VPS50: variants seen among roughly 807,000 people sequenced by gnomAD.
The protein encoded by VPS50 is VPS50 subunit of EARP/GARPII complex.
A neutral mutation model predicts 139.7 loss-of-function variants in VPS50; 70 were observed. That is an observed-to-expected ratio of 0.50 (90% confidence interval 0.41 to 0.61). VPS50 has a LOEUF of 0.61. Ranked by LOEUF, VPS50 falls within the 20% of genes least tolerant of loss-of-function variation. VPS50 has a pLI of 0.00. For synonymous variants in VPS50, 365 were observed against 376.7 expected (o/e 0.97, Z 0.36); for missense variants, 921 against 1,133.7 (o/e 0.81, Z 2.69).
intron 23 of VPS50, among the ~76,000 whole-genome samples, chr7:93,343,333 T>A (rs993141953): frequency 2.0e-5 from 3 of 151,860 alleles, no homozygotes; most frequent in Non-Finnish European, 4.4e-5. Flanking sequence ...TGGGACTATG[T>A]GAAAAGACCA....
Position 93,326,460 on chromosome 7 carries a change from A to T in VPS50, c.1977+2728A>T, listed in dbSNP as rs183920000. ...CTTAAAGTATAATAATAATAAAAAA[A>T]AAATAAAATAAAATAAAATAATACA... On this transcript the variant is annotated intron_variant, in intron 21 of 27. Coordinates refer to ENST00000305866, the MANE Select transcript of VPS50 (RefSeq NM_017667.4). 1.1e-3 allele frequency among the ~76,000 whole-genome samples: 130 copies of T among 122,808 alleles called. 3 individuals are homozygous for T. In the East Asian group the frequency reaches 0.03, roughly 28 times the overall value. 80.6% of individuals were successfully genotyped at this position (122,808 alleles called of 152,430 possible). A position where few individuals can be genotyped will look rare whatever the true frequency, so the allele number is the denominator to read the frequency against.
chr7:93,272,927 A>G (rs572205699), intron 11 of VPS50, 194 bp downstream of exon 11: 2 of 368,402 alleles, frequency 5.4e-6, no homozygotes, highest in East Asian at 5.0e-5. Flanking sequence ...AAAACATTAC[A>G]GTAGTTTGTT....
chr7:93,329,994 A>G (rs1170663241), intron 21 of VPS50, among the ~76,000 whole-genome samples: 1 of 152,198 alleles, frequency 6.6e-6, no homozygotes, highest in African/African-American at 2.4e-5. Context: ...ACCTGTGGAA[A>G]TTCAAAAGAT....
intron 14 of VPS50, chr7:93,295,385 A>G (rs1796779892): frequency 6.6e-6 from 1 of 152,214 alleles, no homozygotes; most frequent in Non-Finnish European, 1.5e-5. Flanking sequence ...TTCACGATTT[A>G]ATCATCTCAC....
rs1423890635 is a variant in VPS50, at chr7:93,361,103, T to C, written c.*2667T>C. The C allele has an allele frequency of 6.6e-6, 1 of 151,426 alleles. No individual in the cohort carries two copies. Among genetic ancestry groups the C allele is most frequent in the African/African-American group, 2.4e-5 (1 of 41,316 alleles). The allele number at this position is 151,426 out of a possible 1,614,324, so 9.4% of individuals were successfully genotyped here. A position where few individuals can be genotyped will look rare whatever the true frequency, so the allele number is the denominator to read the frequency against. ...ACCTTGTAAGCATAGTTGTCTTTTGTAATAAAAAACTAGATCTGAAGATGA... is the reference window on the plus strand; with the variant it reads ...ACCTTGTAAGCATAGTTGTCTTTTGCAATAAAAAACTAGATCTGAAGATGA... On this transcript the variant is annotated 3_prime_UTR_variant, in exon 28 of 28. Coordinates refer to ENST00000305866, the MANE Select transcript of VPS50 (RefSeq NM_017667.4).
At chr7:93,297,287 A>C (rs1796839341) in intron 16 of VPS50, 44 bp downstream of exon 16, 1 of 1,468,502 alleles carries the variant, frequency 6.8e-7, no homozygotes, top group Admixed American at 2.9e-5. Flanking sequence ...TTAGGTAATG[A>C]GAATACTTTT....
chr7:93,305,430 A>C (rs1797087384), intron 17 of VPS50, among the ~76,000 whole-genome samples: 1 of 151,890 alleles, frequency 6.6e-6, no homozygotes, highest in African/African-American at 2.4e-5. Context: ...AAGTGGTGCA[A>C]GCATATGAAA....
intron 21 of VPS50, among the ~76,000 whole-genome samples, chr7:93,329,448 A>G (rs1373549323): frequency 6.6e-6 from 1 of 152,058 alleles, no homozygotes; most frequent in Non-Finnish European, 1.5e-5. Flanking sequence ...TCTCACAAAC[A>G]TGTTCGATTA....
At chr7:93,236,937 CT>C (rs71107889) in intron 1 of VPS50, among the ~76,000 whole-genome samples, 142 of 31,064 alleles carry the variant, frequency 4.6e-3, no homozygotes, top group African/African-American at 0.012. Flanking sequence ...TCTTTTACTT[CT>C]TTTTTTTTTT....
At chr7:93,355,059 ATTTG>A (rs60120806) in intron 26 of VPS50, among the ~76,000 whole-genome samples, 6,231 of 151,906 alleles carry the variant, frequency 0.041, 293 homozygotes, top group African/African-American at 0.12. Context: ...TTTTAAATAA[ATTTG>A]TTTAAGTCGA....
At chr7:93,343,620 C>T (rs1268655711) in intron 23 of VPS50, among the ~76,000 whole-genome samples, 1 of 152,164 alleles carries the variant, frequency 6.6e-6, no homozygotes, top group African/African-American at 2.4e-5. Flanking sequence ...GCCCATCAGA[C>T]TAACAGCAGA....
At chr7:93,291,613 T>A in intron 12 of VPS50, 90 bp from the exon 13 acceptor site, 1 of 703,446 alleles carries the variant, frequency 1.4e-6, no homozygotes, top group Non-Finnish European at 2.1e-6. Flanking sequence ...TATTTCTAAT[T>A]TTTGAATATA....
rs1371713602 is a variant in VPS50 at position 93,276,250 on chromosome 7, G to A, written c.887G>A (p.Cys296Tyr). The change falls in exon 12 of 28, where the codon TGT (cysteine) becomes TAT (tyrosine). Residue 296 changes from cysteine to tyrosine, a missense_variant. Physicochemically the swap from Cys to Tyr is radical, Grantham distance 194 (BLOSUM62 -2). This residue lies in a region of VPS50 where 744 missense variants were observed against 930.6 expected (regional missense o/e 0.80). Transcript: ENST00000305866. ...FQVVLGYVEL[C>Y]AGNTDTKFQK... ...GTTGTTCTTGGTTATGTGGAACTAT[G>A]TGCAGGAAACACAGACACAAAATTC... 8.7e-6 allele frequency: 14 copies of A among 1,613,668 alleles called. No homozygotes were observed. The highest frequency in any genetic ancestry group is 1.1e-5 in the Non-Finnish European group (13 of 1,179,742).
At chr7:93,256,636 A>AT in intron 5 of VPS50, 74 bp downstream of exon 5, 1 of 802,718 alleles carries the variant, frequency 1.2e-6, no homozygotes, top group East Asian at 2.8e-5. Flanking sequence ...AACTGTTAAA[A>AT]TATTGTATTT....
chr7:93,359,618 C>T lies in VPS50; in HGVS notation c.*1182C>T, dbSNP rs1229377201. The T allele has an allele frequency of 6.6e-6, 1 of 152,052 alleles. No individual in the cohort carries two copies. Among genetic ancestry groups the T allele is most frequent in the Non-Finnish European group, 1.5e-5 (1 of 68,010 alleles). 9.4% of individuals were successfully genotyped at this position (152,052 alleles called of 1,614,324 possible). ...CATCTAAGCTTGTGTGGCATTGGTC[C>T]AATGATTGCCATGCATGACCTGTAA... On this transcript the variant is annotated 3_prime_UTR_variant, in exon 28 of 28. Transcript: ENST00000305866.
In VPS50 at chr7:93,237,020, G is replaced by A. The variant is rs1215610259; in HGVS notation, c.34-2846G>A. ...GGCTGGAGTGCAGTGGAGCGATCTC[G>A]GCTCACTGCAAGCTCCGCCTCCCGG... On this transcript the variant is annotated intron_variant, in intron 1 of 27. Coordinates refer to ENST00000305866, the MANE Select transcript of VPS50 (RefSeq NM_017667.4). Among the ~76,000 whole-genome samples the A allele has an allele frequency of 3.9e-5, 5 of 129,500 alleles. No homozygotes were observed. The Admixed American group carries it at 4.7e-4, about 12-fold the overall frequency. The allele number at this position is 129,500 out of a possible 152,430, so 85.0% of individuals were successfully genotyped here.
intron 9 of VPS50, among the ~76,000 whole-genome samples, chr7:93,261,101 A>G (rs1795657309): frequency 6.6e-6 from 1 of 152,194 alleles, no homozygotes; most frequent in Non-Finnish European, 1.5e-5. Flanking sequence ...AGTGTGTTGA[A>G]TGTATTTAGA....
At chr7:93,320,352 TTTTC>T (rs1414913907) in intron 20 of VPS50, 2 of 151,878 alleles carry the variant, frequency 1.3e-5, no homozygotes, top group Admixed American at 6.6e-5. Context: ...TCATTTCTTT[TTTTC>T]TTTTTCTTTT....
At chr7:93,300,664 G>A (rs1030158907) in intron 16 of VPS50, among the ~76,000 whole-genome samples, 5 of 152,008 alleles carry the variant, frequency 3.3e-5, no homozygotes, top group African/African-American at 1.2e-4. Context: ...ATGATTTTGA[G>A]AAATTGTGTT....
Sources: gnomAD v4.1 joint callset for allele counts (sites outside exome capture counted in the v4.1 genomes callset) on GRCh38, gnomAD v4.1.1 for gene constraint, gnomAD v4.1.1 regional missense constraint, MANE v1.5 for transcripts, NCBI Gene and HGNC (gene_info 2026-07-23, HGNC 2026-07-21) for gene names.